Variants in ACTR3C observed in about 807,000 individuals in gnomAD.
ACTR3C encodes actin related protein 3C, also known as actin-related protein 3C.
A neutral mutation model predicts 26.3 loss-of-function variants in ACTR3C; 18 were observed. That is an observed-to-expected ratio of 0.68 (90% CI 0.47 to 1.01). ACTR3C has a LOEUF of 1.01. ACTR3C is among the 50% of genes least tolerant of loss of function. The probability of loss-of-function intolerance (pLI) is 0.00; values close to 1 mark genes in which losing one functional copy is unlikely to be tolerated. For missense variants in ACTR3C, 184 were observed against 250.7 expected (o/e 0.73, Z 1.80); for synonymous variants, 55 against 94.5 (o/e 0.58, Z 2.42).
the ACTR3C span, among the ~76,000 whole-genome samples, chr7:150,178,430 C>G: frequency 6.7e-6 from 1 of 150,106 alleles, no homozygotes; most frequent in African/African-American, 2.5e-5. Flanking sequence ...TTACAGGCAT[C>G]TACCACCATG....
chr7:150,117,129 T>C, the ACTR3C span, among the ~76,000 whole-genome samples: 1 of 152,186 alleles, frequency 6.6e-6, no homozygotes. Context: ...ACCAGGGCCC[T>C]GGCTTTCAAG....
At chr7:149,929,425 C>CAAAAAAAA in the ACTR3C span, among the ~76,000 whole-genome samples, 1 of 49,124 alleles carries the variant, frequency 2.0e-5, no homozygotes, top group Non-Finnish European at 3.3e-5. Context: ...AAGATTCTGT[C>CAAAAAAAA]AAAAAAAAAA....
chr7:150,059,315 A>T, the ACTR3C span, among the ~76,000 whole-genome samples: 1 of 152,226 alleles, frequency 6.6e-6, no homozygotes, highest in East Asian at 1.9e-4. Context: ...TAAAACACAT[A>T]TGGCCGCCTG....
chr7:150,147,111 CTTTGG>C, the ACTR3C span, among the ~76,000 whole-genome samples: 7 of 152,128 alleles, frequency 4.6e-5, no homozygotes, highest in East Asian at 1.3e-3. Flanking sequence ...AAAGGAACCT[CTTTGG>C]AAAGGAGGTT....
the ACTR3C span, among the ~76,000 whole-genome samples, chr7:149,905,084 T>C: frequency 2.6e-5 from 4 of 151,150 alleles, no homozygotes; most frequent in Non-Finnish European, 5.9e-5. Flanking sequence ...ATTATAATTT[T>C]CATGGAACTT....
the ACTR3C span, among the ~76,000 whole-genome samples, chr7:149,931,387 T>C: frequency 6.6e-6 from 1 of 152,180 alleles, no homozygotes; most frequent in African/African-American, 2.4e-5. Context: ...CCCGCAATGC[T>C]CCCTTGCAAC....
At chr7:149,928,072 A>G in the ACTR3C span, among the ~76,000 whole-genome samples, 2 of 152,216 alleles carry the variant, frequency 1.3e-5, no homozygotes, top group Admixed American at 6.5e-5. Context: ...AATGAGTGTA[A>G]TTTGACACTG....
chr7:150,105,143 C>T, the ACTR3C span, among the ~76,000 whole-genome samples: 3 of 149,198 alleles, frequency 2.0e-5, no homozygotes, highest in East Asian at 2.0e-4. Flanking sequence ...ACTGCAGTGG[C>T]GCTATCTCCG....
the ACTR3C span, among the ~76,000 whole-genome samples, chr7:150,146,162 A>C: frequency 6.6e-6 from 1 of 151,958 alleles, no homozygotes; most frequent in South Asian, 2.1e-4. Context: ...ATTACTGAAA[A>C]TTTACAATAA....
At chr7:150,199,432 A>C in the ACTR3C span, among the ~76,000 whole-genome samples, 28 of 102,884 alleles carry the variant, frequency 2.7e-4, no homozygotes, top group East Asian at 5.9e-3. Context: ...GTCATCACCA[A>C]TCCCTAATCT....
At chr7:150,196,849 T>C in the ACTR3C span, among the ~76,000 whole-genome samples, 2 of 152,326 alleles carry the variant, frequency 1.3e-5, no homozygotes, top group South Asian at 2.1e-4. Context: ...TTGTTCTTAG[T>C]TCTTCTTTGT....
the ACTR3C span, among the ~76,000 whole-genome samples, chr7:150,019,675 C>CCT: frequency 6.6e-6 from 1 of 151,056 alleles, no homozygotes; most frequent in Non-Finnish European, 1.5e-5. Context: ...GGCCATTCTA[C>CCT]CTCCTAGGAA....
the ACTR3C span, among the ~76,000 whole-genome samples, chr7:150,164,095 C>G: frequency 2.6e-5 from 4 of 151,990 alleles, no homozygotes; most frequent in Admixed American, 6.6e-5. Context: ...CTTGACCAAG[C>G]CAGTGTGGAG....
chr7:150,018,170 C>T, the ACTR3C span, among the ~76,000 whole-genome samples: 2 of 150,116 alleles, frequency 1.3e-5, no homozygotes, highest in African/African-American at 2.5e-5. Flanking sequence ...TACAGTGCTG[C>T]GATCTCAGCT....
the ACTR3C span, among the ~76,000 whole-genome samples, chr7:150,198,208 C>T: frequency 6.7e-6 from 1 of 149,122 alleles, no homozygotes. Context: ...CTACACCTCC[C>T]AGCCGCCTGC....
At chr7:150,087,861 G>A in the ACTR3C span, among the ~76,000 whole-genome samples, 26 of 152,210 alleles carry the variant, frequency 1.7e-4, no homozygotes, top group Admixed American at 6.5e-4. Flanking sequence ...TATTAGGCAC[G>A]TAAAAGATAA....
the ACTR3C span, among the ~76,000 whole-genome samples, chr7:150,228,964 T>C: frequency 6.6e-6 from 1 of 151,642 alleles, no homozygotes; most frequent in Admixed American, 6.6e-5. Context: ...AAATTATACA[T>C]ATAGTAACAA....
At chr7:150,117,352 G>A in the ACTR3C span, among the ~76,000 whole-genome samples, 1 of 152,222 alleles carries the variant, frequency 6.6e-6, no homozygotes, top group Non-Finnish European at 1.5e-5. Context: ...CTCGCTGCCA[G>A]CACAACCATC....
chr7:150,308,453 G>A (rs889565733), intron 1 of ACTR3C, among the ~76,000 whole-genome samples: 19 of 152,012 alleles, frequency 1.2e-4, no homozygotes, highest in East Asian at 7.7e-4. Flanking sequence ...AAATTTTGTC[G>A]AAAAATGGGC....
Sources: gnomAD v4.1 joint callset for allele counts (sites outside exome capture counted in the v4.1 genomes callset) on GRCh38, gnomAD v4.1.1 for gene constraint, MANE v1.5 for transcripts, NCBI Gene and HGNC (gene_info 2026-07-23, HGNC 2026-07-21) for gene names.